Variants in FHIT observed in about 807,000 individuals in gnomAD.
The protein encoded by FHIT is bis(5'-adenosyl)-triphosphatase.
A neutral mutation model predicts 17.9 loss-of-function variants in FHIT; 19 were observed. The ratio of observed to expected loss-of-function variants is 1.06; its 90% CI spans 0.74 to 1.56. The LOEUF (loss-of-function observed/expected upper bound fraction) is 1.56, where lower values mean the gene tolerates loss of function less well. FHIT is among the 40% of genes most tolerant of loss of function. FHIT has a pLI of 0.00. For missense variants in FHIT, 248 were observed against 189.2 expected, an observed-to-expected ratio of 1.31 and a Z score of -1.82; for synonymous variants, 81 against 69.7, an observed-to-expected ratio of 1.16 and a Z score of -0.81.
chr3:61,067,966 T>C (rs181574247), intron 2 of FHIT, among the ~76,000 whole-genome samples: 49 of 152,296 alleles, frequency 3.2e-4, no homozygotes, highest in Admixed American at 5.9e-4. Flanking sequence ...TGTATAATGG[T>C]GGTTCTCAAA....
chr3:60,672,885 G>GTGTGTGTGTGTGTA, intron 4 of FHIT, among the ~76,000 whole-genome samples: 2 of 150,816 alleles, frequency 1.3e-5, no homozygotes, highest in East Asian at 3.9e-4. Flanking sequence ...GTGTGTGTGT[G>GTGTGTGTGTGTGTA]TGTGTGTGTG....
At chr3:60,047,308 G>A (rs746245663) in intron 5 of FHIT, among the ~76,000 whole-genome samples, 8 of 152,182 alleles carry the variant, frequency 5.3e-5, no homozygotes, top group Non-Finnish European at 1.0e-4. Flanking sequence ...GTGCTATAGA[G>A]GCGGTTGTTC....
intron 2 of FHIT, among the ~76,000 whole-genome samples, chr3:61,070,843 G>C (rs1007586911): frequency 2.0e-5 from 3 of 152,138 alleles, no homozygotes; most frequent in Non-Finnish European, 4.4e-5. Context: ...TCATGATGCT[G>C]TTTATCTTGG....
In FHIT at chr3:59,896,876, C is replaced by CT. The variant is rs567527387; in HGVS notation, c.348+25469dup. Among the ~76,000 whole-genome samples the CT allele has an allele frequency of 1.4e-4, 21 of 152,096 alleles. 1 individual carries two copies. The highest frequency in any genetic ancestry group is 7.7e-4 in the East Asian group (4 of 5,172). ...GGAACATAACGCAAGTGTAATGTTG[C>CT]TTTTTTTGGACCACGTGATATATCT... On this transcript the variant is annotated intron_variant, in intron 8 of 9. Coordinates refer to ENST00000492590, the MANE Select transcript of FHIT (RefSeq NM_002012.4).
At chr3:60,978,980 G>C (rs975898690) in intron 3 of FHIT, among the ~76,000 whole-genome samples, 14 of 152,196 alleles carry the variant, frequency 9.2e-5, no homozygotes, top group Non-Finnish European at 1.9e-4. Flanking sequence ...CATGCTTTCA[G>C]TAATGACAAA....
intron 4 of FHIT, chr3:60,553,468 T>G (rs2036627829): frequency 6.6e-6 from 2 of 305,116 alleles, no homozygotes; most frequent in Non-Finnish European, 9.4e-6. Flanking sequence ...ATTTTATATT[T>G]ATTTTATATA....
chr3:60,187,478 A>G (rs954965771), intron 5 of FHIT, among the ~76,000 whole-genome samples: 1 of 152,158 alleles, frequency 6.6e-6, no homozygotes, highest in Non-Finnish European at 1.5e-5. Context: ...TTTCCTGTGA[A>G]ACACGCAATG....
chr3:61,001,958 T>C (rs76070004), intron 3 of FHIT, among the ~76,000 whole-genome samples: 5,169 of 152,218 alleles, frequency 0.034, 282 homozygotes, highest in African/African-American at 0.12. Flanking sequence ...TCCCTCTACA[T>C]TTCTTTGTTT....
At chr3:60,252,375 C>A (rs955096488) in intron 5 of FHIT, among the ~76,000 whole-genome samples, 9 of 151,892 alleles carry the variant, frequency 5.9e-5, no homozygotes, top group Non-Finnish European at 1.2e-4. Flanking sequence ...GAAACCCCGT[C>A]TCTATAAAAA....
intron 5 of FHIT, among the ~76,000 whole-genome samples, chr3:60,256,801 T>C (rs1468634471): frequency 6.6e-6 from 1 of 152,178 alleles, no homozygotes. Flanking sequence ...CCTTAATATC[T>C]CTAGTTTCTT....
At chr3:60,342,613 C>T (rs1478161629) in intron 5 of FHIT, among the ~76,000 whole-genome samples, 1 of 152,084 alleles carries the variant, frequency 6.6e-6, no homozygotes. Flanking sequence ...TTGGCCCATT[C>T]CCTCAAGTAA....
chr3:60,337,690 G>A (rs1007253283), intron 5 of FHIT, among the ~76,000 whole-genome samples: 7 of 152,112 alleles, frequency 4.6e-5, no homozygotes, highest in East Asian at 1.9e-4. Flanking sequence ...TTGATAAACT[G>A]AGTTATGATC....
chr3:60,896,611 C>A (rs1389795215), intron 3 of FHIT, among the ~76,000 whole-genome samples: 4 of 152,182 alleles, frequency 2.6e-5, no homozygotes, highest in Non-Finnish European at 5.9e-5. Flanking sequence ...CTTTCCAGTA[C>A]TTCTGTTGTT....
At chr3:61,198,924 ATGATG>A (rs2038934870) in intron 2 of FHIT, among the ~76,000 whole-genome samples, 1 of 151,970 alleles carries the variant, frequency 6.6e-6, no homozygotes, top group African/African-American at 2.4e-5. Flanking sequence ...GATGATGATG[ATGATG>A]ATGATGATAT....
At chr3:60,569,553 A>G (rs2037278423) in intron 4 of FHIT, among the ~76,000 whole-genome samples, 1 of 151,716 alleles carries the variant, frequency 6.6e-6, no homozygotes, top group Non-Finnish European at 1.5e-5. Context: ...AGGACGATAT[A>G]GTAGAGGAGA....
At chr3:60,316,548 T>C (rs1709174001) in intron 5 of FHIT, among the ~76,000 whole-genome samples, 1 of 152,182 alleles carries the variant, frequency 6.6e-6, no homozygotes. Context: ...TCTCAATCAG[T>C]ATGTCTTATG....
chr3:59,809,873 G>A (rs900481112), intron 8 of FHIT, among the ~76,000 whole-genome samples: 2 of 152,154 alleles, frequency 1.3e-5, no homozygotes, highest in Non-Finnish European at 2.9e-5. Flanking sequence ...CAGGCTGAGA[G>A]ACCTGGGGCC....
intron 1 of FHIT, among the ~76,000 whole-genome samples, chr3:61,205,216 T>A (rs1257674101): frequency 2.6e-5 from 4 of 152,128 alleles, no homozygotes; most frequent in African/African-American, 9.7e-5. Context: ...TAATCCAGTC[T>A]ATCATTGTTG....
At chr3:60,374,019 A>T (rs948444744) in intron 5 of FHIT, among the ~76,000 whole-genome samples, 6 of 152,224 alleles carry the variant, frequency 3.9e-5, no homozygotes, top group African/African-American at 1.2e-4. Flanking sequence ...GTATCTTTTT[A>T]AAAAAGTAAT....
Sources: gnomAD v4.1 joint callset for allele counts (sites outside exome capture counted in the v4.1 genomes callset) on GRCh38, gnomAD v4.1.1 for gene constraint, MANE v1.5 for transcripts, NCBI Gene and HGNC (gene_info 2026-07-23, HGNC 2026-07-21) for gene names.